GLDC: variants seen among roughly 807,000 people sequenced by gnomAD.
GLDC encodes the protein glycine decarboxylase.
A neutral mutation model predicts 121.3 loss-of-function variants in GLDC; 104 were observed. The ratio of observed to expected loss-of-function variants is 0.86; its 90% CI spans 0.73 to 1.01. The LOEUF (loss-of-function observed/expected upper bound fraction) is 1.01. Among genes scored for constraint, GLDC ranks in the 50% least tolerant of loss-of-function variants. The probability of loss-of-function intolerance (pLI) is 0.00; values close to 1 mark genes in which losing one functional copy is unlikely to be tolerated. For synonymous variants in GLDC, 546 were observed against 480.6 expected (o/e 1.14, Z -1.78); for missense variants, 1,429 against 1,306.6 (o/e 1.09, Z -1.44).
intron 2 of GLDC, among the ~76,000 whole-genome samples, chr9:6,622,239 GTCCCCC>G (rs999434862): frequency 2.7e-5 from 4 of 150,252 alleles, no homozygotes; most frequent in African/African-American, 9.8e-5. Flanking sequence ...AAGAGATATG[GTCCCCC>G]TCCCCCTCCC....
chr9:6,605,106 C>A (rs760037678), intron 6 of GLDC, 25 bp downstream of exon 6: 1 of 1,603,512 alleles, frequency 6.2e-7, no homozygotes, highest in Non-Finnish European at 8.5e-7. Context: ...CCTCCACGGA[C>A]CCCCCACAAG....
chr9:6,622,874 G>A (rs1309447502), intron 2 of GLDC: 66 of 208,480 alleles, frequency 3.2e-4, no homozygotes, highest in African/African-American at 1.5e-3. Flanking sequence ...CTGAGATGTG[G>A]GGAGCGCCTC....
At chr9:6,592,487 T>A (rs913091960) in intron 10 of GLDC, among the ~76,000 whole-genome samples, 11 of 152,352 alleles carry the variant, frequency 7.2e-5, no homozygotes, top group African/African-American at 2.6e-4. Context: ...GACATGCTTA[T>A]CTTTTTCTTC....
At chr9:6,565,264 G>C in intron 16 of GLDC, 90 bp downstream of exon 16, 1 of 891,020 alleles carries the variant, frequency 1.1e-6, no homozygotes, top group South Asian at 1.3e-5. Context: ...CTTCCAAGAA[G>C]GCTTGGAGGG....
At chr9:6,570,054 A>C (rs1817927637) in intron 15 of GLDC, among the ~76,000 whole-genome samples, 1 of 152,154 alleles carries the variant, frequency 6.6e-6, no homozygotes, top group East Asian at 1.9e-4. Flanking sequence ...ACTGCTTTGG[A>C]ATATTTGGAC....
At chr9:6,537,951 C>G (rs544795696) in intron 22 of GLDC, among the ~76,000 whole-genome samples, 2 of 152,296 alleles carry the variant, frequency 1.3e-5, no homozygotes, top group Admixed American at 6.5e-5. Context: ...CATTAGTACA[C>G]TTCACTCTTA....
intron 4 of GLDC, 125 bp from the exon 5 acceptor site, chr9:6,606,794 C>T (rs566425995): frequency 7.5e-5 from 55 of 734,142 alleles, no homozygotes; most frequent in African/African-American, 6.6e-4. Context: ...CTGAGTAGGC[C>T]GGGTGCGGTG....
intron 14 of GLDC, 38 bp downstream of exon 14, chr9:6,588,363 C>G: frequency 1.4e-6 from 2 of 1,477,002 alleles, no homozygotes; most frequent in Non-Finnish European, 1.9e-6. Flanking sequence ...GAACACTGCC[C>G]CTTGCTGAGT....
At chr9:6,573,749 G>A (rs1818009740) in intron 15 of GLDC, among the ~76,000 whole-genome samples, 1 of 152,146 alleles carries the variant, frequency 6.6e-6, no homozygotes, top group Admixed American at 6.5e-5. Context: ...AAAAATGATG[G>A]CAGTAAAGTG....
chr9:6,577,670 T>G (rs1818093426), intron 15 of GLDC, among the ~76,000 whole-genome samples: 1 of 152,146 alleles, frequency 6.6e-6, no homozygotes, highest in African/African-American at 2.4e-5. Context: ...GTCCCATCCT[T>G]TCATACATCT....
intron 3 of GLDC, among the ~76,000 whole-genome samples, chr9:6,619,108 A>G (rs1444497411): frequency 1.1e-4 from 14 of 132,642 alleles, no homozygotes; most frequent in Non-Finnish European, 2.1e-4. Flanking sequence ...ATCCCACTGC[A>G]CTCCAGCCTG....
intron 2 of GLDC, chr9:6,639,630 A>G: frequency 1.6e-6 from 1 of 622,618 alleles, no homozygotes; most frequent in Non-Finnish European, 2.9e-6. Context: ...CAGCTGCCTA[A>G]TTCTAAATAT....
At chr9:6,592,113 A>G (rs752836876) in intron 11 of GLDC, 30 bp downstream of exon 11, 24 of 1,336,314 alleles carry the variant, frequency 1.8e-5, no homozygotes, top group Non-Finnish European at 2.5e-5. Flanking sequence ...AATAGTTATG[A>G]TGAGGAACGC....
chr9:6,617,737 T>C (rs1188621819), intron 3 of GLDC, among the ~76,000 whole-genome samples: 2 of 152,198 alleles, frequency 1.3e-5, no homozygotes, highest in East Asian at 1.9e-4. Context: ...ATAAAAATAA[T>C]TGCATCTACG....
chr9:6,644,526 C>G, intron 2 of GLDC, 88 bp downstream of exon 2: 1 of 890,096 alleles, frequency 1.1e-6, no homozygotes, highest in Non-Finnish European at 1.9e-6. Context: ...CTGAGCAATC[C>G]TTACCCCAGA....
At chr9:6,622,527 G>T (rs1037533959) in intron 2 of GLDC, among the ~76,000 whole-genome samples, 144 of 152,306 alleles carry the variant, frequency 9.5e-4, no homozygotes, top group Non-Finnish European at 1.4e-3. Context: ...TGCAGACAGA[G>T]TCTCGTTCAC....
chr9:6,597,676 C>T lies in GLDC; in HGVS notation c.1156-2557G>A, dbSNP rs370375923. On this transcript the variant is annotated intron_variant, in intron 8 of 24. Transcript: ENST00000321612. The stretch of plus-strand genomic sequence containing the variant: ...ATATGGCCGGGCATGGTGGCTAACG[C>T]CTGTAATCCCAGCACTTTGGGAGGC... Among the ~76,000 whole-genome samples, 5 of 152,320 alleles carry T rather than the reference C, an allele frequency of 3.3e-5. No individual in the cohort carries two copies. The East Asian group carries it at 5.8e-4, about 18-fold the overall frequency.
At chr9:6,545,527 G>C (rs1260186639) in intron 21 of GLDC, among the ~76,000 whole-genome samples, 1 of 152,110 alleles carries the variant, frequency 6.6e-6, no homozygotes, top group African/African-American at 2.4e-5. Context: ...TGAACGGGAA[G>C]GTCTAGGACA....
At chr9:6,576,044 C>A (rs920323473) in intron 15 of GLDC, among the ~76,000 whole-genome samples, 2 of 152,166 alleles carry the variant, frequency 1.3e-5, no homozygotes, top group Non-Finnish European at 2.9e-5. Flanking sequence ...CTTCAAACAC[C>A]CTTGGGATCA....
Sources: allele counts gnomAD v4.1 joint callset (sites outside exome capture counted in the v4.1 genomes callset), GRCh38; gene constraint gnomAD v4.1.1; transcripts MANE v1.5; gene names NCBI Gene and HGNC (gene_info 2026-07-23, HGNC 2026-07-21).